The following PXYLP1 variants were observed in gnomAD, a reference collection of about 807,000 sequenced individuals.
PXYLP1 encodes the protein 2-phosphoxylose phosphatase 1, also known as acid phosphatase-like 2.
PXYLP1 carries 17 observed loss-of-function variants against 37.9 expected under a neutral mutation model. The ratio of observed to expected loss-of-function variants is 0.45; its 90% CI spans 0.31 to 0.67. PXYLP1 has a LOEUF of 0.67. PXYLP1 is among the 30% of genes least tolerant of loss of function. The pLI, the probability that PXYLP1 is intolerant of heterozygous loss-of-function variation, is 0.07. For synonymous variants in PXYLP1, 221 were observed against 232.2 expected (o/e 0.95, Z 0.44); for missense variants, 511 against 612.0 (o/e 0.84, Z 1.74).
intron 4 of PXYLP1, among the ~76,000 whole-genome samples, chr3:141,285,712 A>G (rs567924623): frequency 6.6e-6 from 1 of 152,166 alleles, no homozygotes; most frequent in Non-Finnish European, 1.5e-5. Flanking sequence ...CCTGGTGCAG[A>G]ACATTTGACT....
chr3:141,282,813 C>T lies in PXYLP1; in HGVS notation c.365+3309C>T, dbSNP rs74490723. On this transcript the variant is annotated intron_variant, in intron 4 of 5. Coordinates refer to ENST00000286353, the MANE Select transcript of PXYLP1 (RefSeq NM_001037172.3). ...TATGAAAGGCAGGCCCGATGGGGCCCAGGTTTCTGACTGGGTGTCTGGCTG... is the reference window on the plus strand; with the variant it reads ...TATGAAAGGCAGGCCCGATGGGGCCTAGGTTTCTGACTGGGTGTCTGGCTG... Among the ~76,000 whole-genome samples, 910 of 152,298 alleles carry T rather than the reference C, an allele frequency of 6.0e-3. 7 individuals are homozygous for T. The highest frequency in any genetic ancestry group is 0.021 in the African/African-American group (888 of 41,562).
At chr3:141,279,233 TG>T in intron 3 of PXYLP1, 144 bp from the exon 4 acceptor site, 2 of 915,820 alleles carry the variant, frequency 2.2e-6, no homozygotes, top group Non-Finnish European at 3.4e-6. Flanking sequence ...CCCTTCACTG[TG>T]GTGGCTCTGC....
intron 1 of PXYLP1, among the ~76,000 whole-genome samples, chr3:141,254,757 T>A (rs1941227589): frequency 2.0e-5 from 3 of 152,166 alleles, no homozygotes; most frequent in African/African-American, 7.2e-5. Context: ...GCCAAAATAA[T>A]TCTGACCAAA....
chr3:141,238,639 C>A (rs1040862664), intron 1 of PXYLP1, among the ~76,000 whole-genome samples: 1 of 151,598 alleles, frequency 6.6e-6, no homozygotes, highest in Non-Finnish European at 1.5e-5. Context: ...ATTCCCCCCA[C>A]CATGGCCCCC....
At chr3:141,265,049 C>T (rs1026716) in intron 2 of PXYLP1, among the ~76,000 whole-genome samples, 16 of 152,080 alleles carry the variant, frequency 1.1e-4, no homozygotes, top group African/African-American at 3.9e-4. Context: ...TTAAAGAAAG[C>T]AGGAGTGGTC....
chr3:141,279,494 G>T lies in PXYLP1; in HGVS notation c.355G>T (p.Val119Leu), dbSNP rs1027457349. ...TKRPEIDCTLVANRKPYHPKL... is the reference protein window; with the variant it reads ...TKRPEIDCTLLANRKPYHPKL... ...GCGACCAGAAATTGACTGCACTCTG[G>T]TGGCTAACAGGTAAATTGCACTTTT... The change falls in exon 4 of 6, where the codon GTG becomes TTG. Residue 119 changes from valine to leucine, a missense_variant. Val to Leu is a conservative substitution (Grantham distance 32). Coordinates refer to ENST00000286353, the MANE Select transcript of PXYLP1 (RefSeq NM_001037172.3). 6.2e-7 allele frequency: 1 copy of T among 1,614,210 alleles called. No individual in the cohort carries two copies. The highest frequency in any genetic ancestry group is 8.5e-7 in the Non-Finnish European group (1 of 1,180,038).
intron 1 of PXYLP1, among the ~76,000 whole-genome samples, chr3:141,237,837 G>A (rs767057866): frequency 1.3e-5 from 2 of 152,198 alleles, no homozygotes; most frequent in African/African-American, 4.8e-5. Context: ...CTGTGAAGGG[G>A]CTGACCATGG....
chr3:141,262,613 G>T, intron 2 of PXYLP1: 1 of 1,476,124 alleles, frequency 6.8e-7, no homozygotes, highest in South Asian at 1.4e-5. Flanking sequence ...CTTTTTTAAG[G>T]AAAATTTTGC....
chr3:141,256,072 A>T (rs943951143), intron 1 of PXYLP1, among the ~76,000 whole-genome samples: 3 of 152,194 alleles, frequency 2.0e-5, no homozygotes, highest in African/African-American at 7.2e-5. Flanking sequence ...AGTGGCCAGG[A>T]TTTGAAAGCA....
chr3:141,264,320 A>G (rs1941458991), intron 2 of PXYLP1, among the ~76,000 whole-genome samples: 1 of 152,248 alleles, frequency 6.6e-6, no homozygotes, highest in Admixed American at 6.5e-5. Context: ...AGTCAGTGCC[A>G]TGCAGAGGTG....
chr3:141,278,341 G>A lies in PXYLP1; in HGVS notation c.80-1G>A. ...TCACAACCTGCCTTACTTCGTTTCA[G>A]TCCACCTGATCCCGGTGTCGACTCC... On this transcript the variant is annotated splice_acceptor_variant, in intron 2 of 5. Coordinates refer to ENST00000286353, the MANE Select transcript of PXYLP1 (RefSeq NM_001037172.3). LOFTEE classifies it high-confidence loss of function. 1 of 1,614,188 alleles carries A rather than the reference G, an allele frequency of 6.2e-7. No homozygotes were observed. The highest frequency in any genetic ancestry group is 8.5e-7 in the Non-Finnish European group (1 of 1,180,014).
intron 1 of PXYLP1, among the ~76,000 whole-genome samples, chr3:141,254,896 T>C (rs1265812566): frequency 2.0e-5 from 3 of 152,212 alleles, no homozygotes; most frequent in African/African-American, 7.2e-5. Context: ...TGGTCATGTT[T>C]AAAACCCTAA....
chr3:141,270,312 A>G (rs993189753), intron 2 of PXYLP1, among the ~76,000 whole-genome samples: 7 of 152,270 alleles, frequency 4.6e-5, no homozygotes, highest in African/African-American at 1.7e-4. Flanking sequence ...CTCAAAGTCT[A>G]CAAATGTGGG....
At chr3:141,280,469 ATT>A (rs1223217447) in intron 4 of PXYLP1, among the ~76,000 whole-genome samples, 1 of 152,054 alleles carries the variant, frequency 6.6e-6, no homozygotes, top group African/African-American at 2.4e-5. Context: ...CTCTGCCCTC[ATT>A]TTCCTTTGCC....
chr3:141,261,895 T>A (rs1273521580), intron 2 of PXYLP1: 4 of 152,256 alleles, frequency 2.6e-5, no homozygotes, highest in African/African-American at 9.6e-5. Flanking sequence ...ATGCCAGGAA[T>A]TGTGTTGTTG....
chr3:141,281,550 A>G (rs897358223), intron 4 of PXYLP1, among the ~76,000 whole-genome samples: 2 of 152,202 alleles, frequency 1.3e-5, no homozygotes, highest in African/African-American at 4.8e-5. Context: ...TAGAGAAAGA[A>G]GAGGAAGAAA....
chr3:141,265,762 C>T (rs1941494754), intron 2 of PXYLP1, among the ~76,000 whole-genome samples: 1 of 152,196 alleles, frequency 6.6e-6, no homozygotes, highest in Non-Finnish European at 1.5e-5. Flanking sequence ...TCATCTCCAT[C>T]TGGGATAAGT....
At chr3:141,268,958 A>G (rs1267765100) in intron 2 of PXYLP1, among the ~76,000 whole-genome samples, 1 of 151,846 alleles carries the variant, frequency 6.6e-6, no homozygotes, top group East Asian at 1.9e-4. Context: ...GAGGGGCTGG[A>G]CTCCACTGGC....
At chr3:141,252,063 C>T (rs1325880226) in intron 1 of PXYLP1, among the ~76,000 whole-genome samples, 1 of 152,172 alleles carries the variant, frequency 6.6e-6, no homozygotes, top group African/African-American at 2.4e-5. Context: ...GAAACTGTGG[C>T]TCATTATCAC....
Sources: gnomAD v4.1 joint callset for allele counts (sites outside exome capture counted in the v4.1 genomes callset) on GRCh38, gnomAD v4.1.1 for gene constraint, MANE v1.5 for transcripts, NCBI Gene and HGNC (gene_info 2026-07-23, HGNC 2026-07-21) for gene names.